SPTLC3: variants seen among roughly 807,000 people sequenced by gnomAD.
SPTLC3 encodes the protein serine palmitoyltransferase 3.
SPTLC3 carries 36 observed loss-of-function variants against 59.3 expected under a neutral mutation model. The observed-to-expected ratio is 0.61, with a 90% CI of 0.47 to 0.80. SPTLC3 has a LOEUF of 0.80. SPTLC3 is among the 30% of genes least tolerant of loss of function. SPTLC3 has a pLI of 0.00. For synonymous variants in SPTLC3, 257 were observed against 240.8 expected (o/e 1.07, Z -0.62); for missense variants, 625 against 685.1 (o/e 0.91, Z 0.98).
chr20:13,091,132 G>C lies in SPTLC3; in HGVS notation c.657G>C (p.Leu219=). Residue 219 remains leucine (L), a synonymous_variant, in exon 5 of 12, where the codon CTG becomes CTC. Coordinates refer to ENST00000399002, the MANE Select transcript of SPTLC3 (RefSeq NM_018327.4). Reference sequence around the variant, plus strand: ...TGGAGGACCTTGTGGCTAAGTTCCTGAATGTGGAAGCAGCTATGGTCTTTG... The same window carrying C: ...TGGAGGACCTTGTGGCTAAGTTCCTCAATGTGGAAGCAGCTATGGTCTTTG... The part of the protein sequence containing the change: ...KELEDLVAKF[L]NVEAAMVFGM... 2 of 1,614,040 alleles carry C rather than the reference G, an allele frequency of 1.2e-6. No individual in the cohort carries two copies. The highest frequency in any genetic ancestry group is 8.5e-7 in the Non-Finnish European group (1 of 1,179,924).
intron 7 of SPTLC3, among the ~76,000 whole-genome samples, chr20:13,112,777 G>A (rs936364270): frequency 2.0e-5 from 3 of 152,288 alleles, no homozygotes; most frequent in African/African-American, 4.8e-5. Flanking sequence ...GCTCTTGGGG[G>A]CTTCAATTTC....
At chr20:13,139,438 C>T (rs1197598218) in intron 9 of SPTLC3, among the ~76,000 whole-genome samples, 1 of 152,130 alleles carries the variant, frequency 6.6e-6, no homozygotes, top group Non-Finnish European at 1.5e-5. Context: ...TTCTGTTGGG[C>T]AAGACAGTTC....
intron 1 of SPTLC3, among the ~76,000 whole-genome samples, chr20:13,027,029 G>C (rs75253035): frequency 0.086 from 13,088 of 152,104 alleles, 752 homozygotes; most frequent in African/African-American, 0.16. Flanking sequence ...TGCAGACCCC[G>C]GTGGAAGCGA....
intron 1 of SPTLC3, among the ~76,000 whole-genome samples, chr20:13,021,752 G>A (rs1010887007): frequency 4.6e-5 from 7 of 152,098 alleles, no homozygotes; most frequent in Admixed American, 6.6e-5. Flanking sequence ...ATGTGCTCTC[G>A]TGGTGACCAA....
chr20:13,058,666 C>T (rs527899265), intron 2 of SPTLC3, among the ~76,000 whole-genome samples: 6 of 152,286 alleles, frequency 3.9e-5, no homozygotes, highest in Admixed American at 3.3e-4. Flanking sequence ...TAGAGCAATG[C>T]TTCTCAAACT....
At chr20:13,107,958 T>G (rs1348029552) in intron 6 of SPTLC3, among the ~76,000 whole-genome samples, 1 of 152,182 alleles carries the variant, frequency 6.6e-6, no homozygotes, top group Non-Finnish European at 1.5e-5. Context: ...GATGTTTTCT[T>G]AAGGATGTTA....
chr20:13,148,426 G>C (rs1180375676), intron 9 of SPTLC3, among the ~76,000 whole-genome samples: 1 of 152,102 alleles, frequency 6.6e-6, no homozygotes, highest in Non-Finnish European at 1.5e-5. Flanking sequence ...TCAGGGGTGG[G>C]GTCGACAGGG....
At chr20:13,111,528 A>C (rs1990233022) in intron 7 of SPTLC3, among the ~76,000 whole-genome samples, 1 of 152,186 alleles carries the variant, frequency 6.6e-6, no homozygotes, top group Non-Finnish European at 1.5e-5. Context: ...GGCTGAGAAA[A>C]CCTGTTCTGG....
Position 13,164,840 on chromosome 20 carries a change from T to C in SPTLC3, c.1632T>C (p.Asp544=), listed in dbSNP as rs1461530967. 1.9e-6 allele frequency: 3 copies of C among 1,613,638 alleles called. No individual in the cohort carries two copies. The highest frequency in any genetic ancestry group is 4.5e-5 in the East Asian group (2 of 44,794). ...AGTCAGCACGTCCTGAGCTCTATGA[T>C]GAGACGAGCTTTGAACTCGAAGATT... is the stretch of plus-strand genomic sequence containing the variant. ...HKKSARPELY[D]ETSFELED The change falls in exon 12 of 12, where the codon GAT becomes GAC. Residue 544 remains aspartate, a synonymous_variant. Transcript: ENST00000399002.
intron 10 of SPTLC3, among the ~76,000 whole-genome samples, chr20:13,154,695 A>G (rs552625890): frequency 6.6e-6 from 1 of 152,320 alleles, no homozygotes; most frequent in African/African-American, 2.4e-5. Context: ...GCTCATGCTC[A>G]GTTTCTCATG....
chr20:13,105,283 A>G (rs1157043710), intron 6 of SPTLC3, among the ~76,000 whole-genome samples: 1 of 151,668 alleles, frequency 6.6e-6, no homozygotes, highest in African/African-American at 2.4e-5. Context: ...AAAAATGGCT[A>G]ATTGATTTTC....
chr20:13,010,313 C>A (rs1985171838), intron 1 of SPTLC3, among the ~76,000 whole-genome samples: 1 of 152,146 alleles, frequency 6.6e-6, no homozygotes, highest in South Asian at 2.1e-4. Flanking sequence ...ATGCAATCTT[C>A]CATCATTTGA....
At chr20:13,138,823 C>G (rs1210733394) in intron 9 of SPTLC3, among the ~76,000 whole-genome samples, 1 of 152,124 alleles carries the variant, frequency 6.6e-6, no homozygotes, top group Non-Finnish European at 1.5e-5. Context: ...TGGAGGTGAG[C>G]TGAGCATGCT....
intron 1 of SPTLC3, among the ~76,000 whole-genome samples, chr20:13,013,163 C>T (rs142328581): frequency 5.6e-4 from 86 of 152,248 alleles, no homozygotes; most frequent in African/African-American, 1.9e-3. Flanking sequence ...AAGGATTAAG[C>T]CACATTATTA....
Position 13,164,940 on chromosome 20 carries a change from A to G in SPTLC3, c.*73A>G. 1.6e-6 allele frequency: 2 copies of G among 1,270,554 alleles called. No individual in the cohort carries two copies. The highest frequency in any genetic ancestry group is 2.5e-5 in the East Asian group (1 of 39,436). 78.7% of individuals were successfully genotyped at this position (1,270,554 alleles called of 1,614,324 possible). A position where few individuals can be genotyped will look rare whatever the true frequency, so the allele number is the denominator to read the frequency against. On this transcript the variant is annotated 3_prime_UTR_variant, in exon 12 of 12. Coordinates refer to ENST00000399002, the MANE Select transcript of SPTLC3 (RefSeq NM_018327.4). ...CCTCCTTGCCTCACAAGGAATATAA[A>G]TGGATTTCTCCCCCTTCCTCAGGAC...
intron 4 of SPTLC3, among the ~76,000 whole-genome samples, chr20:13,077,391 A>G (rs1288957289): frequency 1.3e-5 from 2 of 152,026 alleles, no homozygotes; most frequent in Non-Finnish European, 2.9e-5. Flanking sequence ...ATAGTTATCA[A>G]TTGAATGCTA....
At chr20:13,094,810 C>G (rs1456680234) in intron 6 of SPTLC3, among the ~76,000 whole-genome samples, 1 of 152,138 alleles carries the variant, frequency 6.6e-6, no homozygotes, top group African/African-American at 2.4e-5. Flanking sequence ...TGAAGATGAA[C>G]AGTTAGAGTG....
At chr20:13,151,819 G>GT (rs2038654832) in intron 9 of SPTLC3, among the ~76,000 whole-genome samples, 1 of 152,062 alleles carries the variant, frequency 6.6e-6, no homozygotes, top group Admixed American at 6.5e-5. Context: ...TCTACACCTG[G>GT]TTCACCTTCA....
chr20:13,009,458 G>A, intron 1 of SPTLC3, 74 bp downstream of exon 1: 2 of 1,360,352 alleles, frequency 1.5e-6, no homozygotes, highest in Non-Finnish European at 2.1e-6. Context: ...GATATTTGAG[G>A]CTGTCCTAAC....
Sources: gnomAD v4.1 joint callset for allele counts (sites outside exome capture counted in the v4.1 genomes callset) on GRCh38, gnomAD v4.1.1 for gene constraint, MANE v1.5 for transcripts, NCBI Gene and HGNC (gene_info 2026-07-23, HGNC 2026-07-21) for gene names.